CLCN7: variants seen among roughly 807,000 people sequenced by gnomAD.
CLCN7 encodes Cl-/H+ antiporter 7, also known as H(+)/Cl(-) exchange transporter 7.
Under a neutral mutation model 102.1 loss-of-function variants are expected in CLCN7, and 60 were observed. The ratio of observed to expected loss-of-function variants is 0.59; its 90% confidence interval spans 0.48 to 0.73. The LOEUF (loss-of-function observed/expected upper bound fraction) is 0.73. Ranked by LOEUF, CLCN7 falls within the 30% of genes least tolerant of loss-of-function variation. The pLI is 0.00. For missense variants in CLCN7, 962 were observed against 1,125.7 expected (o/e 0.85, Z 2.08); for synonymous variants, 560 against 490.5 (o/e 1.14, Z -1.87).
At chr16:1,449,907 T>C (rs17135339) in intron 17 of CLCN7, 22,510 of 179,134 alleles carry the variant, frequency 0.13, 2,202 homozygotes, top group African/African-American at 0.28. Context: ...CGGAGGGAGA[T>C]GGGCAGAGCA....
chr16:1,457,082 C>A lies in CLCN7; in HGVS notation c.822+172G>T, dbSNP rs1489327738. ...AGGGAAGCAGCGGGCCGTAGGGAGG[C>A]CTTGCCGGGCAGGGACTGTGCCCGC... On this transcript the variant is annotated intron_variant, in intron 9 of 24. Coordinates refer to ENST00000382745, the MANE Select transcript of CLCN7 (RefSeq NM_001287.6). The surrounding 1 kb of genome is among the most constrained non-coding windows in gnomAD (Gnocchi z 5.4). 6.6e-6 allele frequency among the ~76,000 whole-genome samples: 1 copy of A among 152,172 alleles called. No homozygotes were observed. The highest frequency in any genetic ancestry group is 1.5e-5 in the Non-Finnish European group (1 of 68,014).
At chr16:1,464,971 C>A (rs905194320) in intron 2 of CLCN7, among the ~76,000 whole-genome samples, 1 of 152,098 alleles carries the variant, frequency 6.6e-6, no homozygotes, top group East Asian at 1.9e-4. Flanking sequence ...TCACTGCCCC[C>A]CCAAGATCCC....
At chr16:1,460,981 G>T in intron 4 of CLCN7, 33 bp from the exon 5 acceptor site, 1 of 1,608,016 alleles carries the variant, frequency 6.2e-7, no homozygotes. Context: ...GGGTCAGGCA[G>T]GGCCCTGGCG....
intron 15 of CLCN7, chr16:1,452,188 C>T (rs941613947): frequency 3.8e-5 from 10 of 260,390 alleles, no homozygotes; most frequent in African/African-American, 8.8e-5. Context: ...GGGCCTCCCA[C>T]GTCTCTAACG....
chr16:1,471,182 A>T (rs1157338310), intron 1 of CLCN7, among the ~76,000 whole-genome samples: 2 of 152,118 alleles, frequency 1.3e-5, no homozygotes, highest in Non-Finnish European at 2.9e-5. Context: ...CCCAGCCTCC[A>T]ACAAGCCACT....
In CLCN7 at chr16:1,449,276, C is replaced by A. The variant is rs1328785025; in HGVS notation, c.1669G>T (p.Gly557Cys). ...CCATCGGGCAAGAGCTGGGACATAC[C>A]CAGCTGGGCAGCAGCTCCCATCAGG... Reference protein sequence around the residue: ...YALMGAAAQLGGIVRMTLSLT... With the variant: ...YALMGAAAQLCGIVRMTLSLT... Residue 557 changes from glycine (G) to cysteine (C), a missense_variant and splice_region_variant, in exon 18 of 25, where the codon GGC becomes TGC. Around this residue, in one of 2 missense-constraint regions of CLCN7, gnomAD observed 799 missense variants for 988.0 expected, o/e 0.81. Transcript: ENST00000382745. 3.2e-6 allele frequency: 5 copies of A among 1,584,270 alleles called. No individual in the cohort carries two copies. The highest frequency in any genetic ancestry group is 1.8e-5 in the Admixed American group (1 of 55,670).
At position 1,453,846 on chromosome 16, in the gene CLCN7, A is replaced by T. The variant is rs1259621965; in HGVS notation, c.1202T>A (p.Met401Lys). 1.2e-6 allele frequency: 2 copies of T among 1,613,260 alleles called. No homozygotes were observed. Among genetic ancestry groups the T allele is most frequent in the Admixed American group, 3.3e-5 (2 of 60,010 alleles). ...GGTTTCTCCTCACCTGATTCGAAAC[A>T]TGGTCAGCCAGTAGTTCAAGGCATT... ...VFNALNYWLT[M>K]FRIRYIHRPC... The change falls in exon 14 of 25, where the codon ATG becomes AAG. Residue 401 changes from methionine to lysine, a missense_variant. By Grantham distance (95) the Met-to-Lys change is moderately conservative (BLOSUM62 -1). Coordinates refer to ENST00000382745, the MANE Select transcript of CLCN7 (RefSeq NM_001287.6).
At chr16:1,469,671 G>C (rs1025731212) in intron 1 of CLCN7, among the ~76,000 whole-genome samples, 1 of 152,166 alleles carries the variant, frequency 6.6e-6, no homozygotes, top group African/African-American at 2.4e-5. Context: ...GGGCGACAGA[G>C]GGAGACTCCG....
At chr16:1,453,338 G>A (rs1398604219) in intron 14 of CLCN7, among the ~76,000 whole-genome samples, 1 of 152,128 alleles carries the variant, frequency 6.6e-6, no homozygotes, top group African/African-American at 2.4e-5. Flanking sequence ...CATCAATCAG[G>A]CACCCAAATG....
chr16:1,470,961 G>A (rs535248115), intron 1 of CLCN7, among the ~76,000 whole-genome samples: 3 of 152,260 alleles, frequency 2.0e-5, no homozygotes, highest in African/African-American at 4.8e-5. Context: ...GGCTCCAGCC[G>A]CTTTCCCTCT....
chr16:1,474,521 G>A lies in CLCN7; in HGVS notation c.141+313C>T, dbSNP rs541995448. On this transcript the variant is annotated intron_variant, in intron 1 of 24. Coordinates refer to ENST00000382745, the MANE Select transcript of CLCN7 (RefSeq NM_001287.6). ...CTTTAGGGCCAGTCTGGGGGACACC[G>A]GAGGGAATGAACGTGCGCCACGGCT... Among the ~76,000 whole-genome samples, 36 of 152,356 alleles carry A rather than the reference G, an allele frequency of 2.4e-4. No individual in the cohort carries two copies. The East Asian group carries it at 5.6e-3, about 24-fold the overall frequency.
At position 1,446,044 on chromosome 16, in the gene CLCN7, G is replaced by A. The variant is rs2038634156; in HGVS notation, c.*587C>T. The A allele has an allele frequency of 1.7e-6, 1 of 572,786 alleles. No individual in the cohort carries two copies. The allele number at this position is 572,786 out of a possible 1,614,324, so 35.5% of individuals were successfully genotyped here. ...GATGCAGGCCGGGGAGTGCACGTGG[G>A]GCTCCTCTGTGGCGCCAGTGTGAAG... On this transcript the variant is annotated 3_prime_UTR_variant, in exon 25 of 25. Coordinates refer to ENST00000382745, the MANE Select transcript of CLCN7 (RefSeq NM_001287.6).
Position 1,449,336 on chromosome 16 carries a change from G to A in CLCN7, c.1618-9C>T. ...CCGGGGTCCGCCCAGATCTGTGGGA[G>A]GTGACACGGAGGAGGTGTCAGTGTG... is the stretch of plus-strand genomic sequence containing the variant. On this transcript the variant is annotated splice_polypyrimidine_tract_variant and intron_variant, in intron 17 of 24. Transcript: ENST00000382745. The A allele has an allele frequency of 1.3e-6, 2 of 1,581,114 alleles. No homozygotes were observed. Among genetic ancestry groups the A allele is most frequent in the Non-Finnish European group, 1.7e-6 (2 of 1,163,766 alleles).
intron 11 of CLCN7, 126 bp from the exon 12 acceptor site, chr16:1,455,376 G>A: frequency 2.6e-6 from 2 of 782,184 alleles, no homozygotes. Flanking sequence ...CCCGCCCAAG[G>A]CAGAAGGGAA....
intron 1 of CLCN7, chr16:1,471,731 G>A (rs2039080538): frequency 6.6e-6 from 1 of 152,292 alleles, no homozygotes; most frequent in Admixed American, 6.5e-5. Flanking sequence ...AGGCCTTGCA[G>A]GAGGCCATCG....
chr16:1,474,214 T>C (rs1274825165), intron 1 of CLCN7: 1 of 456,110 alleles, frequency 2.2e-6, no homozygotes, highest in Admixed American at 2.3e-5. Context: ...ACCTCTGACT[T>C]GCTGCTTATT....
In CLCN7 at chr16:1,454,004, C is replaced by T. The variant is rs1045782865; in HGVS notation, c.1154-110G>A. 221 of 1,004,568 alleles carry T rather than the reference C, an allele frequency of 2.2e-4. 1 individual carries two copies. Among genetic ancestry groups the T allele is most frequent in the African/African-American group, 7.6e-4 (48 of 63,030 alleles). 62.2% of individuals were successfully genotyped at this position (1,004,568 alleles called of 1,614,324 possible). A position where few individuals can be genotyped will look rare whatever the true frequency, so the allele number is the denominator to read the frequency against. On this transcript the variant is annotated intron_variant, in intron 13 of 24. Transcript: ENST00000382745. ...TGGAGGGTTTGCAGAGGGAAGGGGA[C>T]GGCAGGGGGCTAGGGGGTCCTGGTA...
chr16:1,446,712 G>A lies in CLCN7; in HGVS notation c.2337C>T (p.Val779=), dbSNP rs1390033295. The A allele has an allele frequency of 6.9e-6, 11 of 1,585,438 alleles. No individual in the cohort carries two copies. Among genetic ancestry groups the A allele is most frequent in the African/African-American group, 2.7e-5 (2 of 74,070 alleles). Residue 779 remains valine (V), a synonymous_variant, in exon 25 of 25, where the codon GTC becomes GTT. Coordinates refer to ENST00000382745, the MANE Select transcript of CLCN7 (RefSeq NM_001287.6). ...LVVVDNRNQV[V]GLVTRKDLAR... ...CGAGGTCCTTCCTGGTCACCAACCCGACAACCTGCAGGACAAGTCCAGGCC... is the reference window on the plus strand; with the variant it reads ...CGAGGTCCTTCCTGGTCACCAACCCAACAACCTGCAGGACAAGTCCAGGCC...
chr16:1,454,786 C>T (rs892669823), intron 12 of CLCN7, among the ~76,000 whole-genome samples: 6 of 152,228 alleles, frequency 3.9e-5, no homozygotes, highest in African/African-American at 9.6e-5. Flanking sequence ...ATCGATGGCA[C>T]GGAGAGTCTC....
Sources: allele counts gnomAD v4.1 joint callset (sites outside exome capture counted in the v4.1 genomes callset), GRCh38; gene constraint gnomAD v4.1.1; regional missense constraint gnomAD v4.1.1; non-coding constraint Gnocchi (gnomAD v3.1); transcripts MANE v1.5; gene names NCBI Gene and HGNC (gene_info 2026-07-23, HGNC 2026-07-21).